The following RAD51B variants were observed in gnomAD, a reference collection of about 807,000 sequenced individuals.
RAD51B encodes the protein RAD51 paralog B.
RAD51B carries 38 observed loss-of-function variants against 42.2 expected under a neutral mutation model. That is an observed-to-expected ratio of 0.90 (90% CI 0.70 to 1.18). The LOEUF (loss-of-function observed/expected upper bound fraction) is 1.18. RAD51B is among the 50% of genes most tolerant of loss of function. RAD51B has a pLI of 0.00. For synonymous variants in RAD51B, 154 were observed against 145.2 expected (o/e 1.06, Z -0.43); for missense variants, 373 against 400.7 (o/e 0.93, Z 0.59).
At chr14:68,298,932 AT>A (rs2081665295) in intron 8 of RAD51B, among the ~76,000 whole-genome samples, 1 of 152,102 alleles carries the variant, frequency 6.6e-6, no homozygotes, top group Admixed American at 6.6e-5. Context: ...TGCATTTGCG[AT>A]GTTTACTGGG....
At chr14:68,588,913 G>A (rs1890614277) in intron 10 of RAD51B, among the ~76,000 whole-genome samples, 1 of 152,210 alleles carries the variant, frequency 6.6e-6, no homozygotes, top group African/African-American at 2.4e-5. Flanking sequence ...ATGCTGGGCT[G>A]ATTTTGCAAA....
At chr14:68,089,256 CT>C (rs1446709468) in intron 7 of RAD51B, among the ~76,000 whole-genome samples, 2 of 152,160 alleles carry the variant, frequency 1.3e-5, no homozygotes, top group Non-Finnish European at 2.9e-5. Flanking sequence ...GAACCAGCTA[CT>C]GAACACAAAG....
At chr14:68,655,011 A>G (rs1446675574) in intron 11 of RAD51B, among the ~76,000 whole-genome samples, 1 of 152,060 alleles carries the variant, frequency 6.6e-6, no homozygotes, top group Non-Finnish European at 1.5e-5. Context: ...GACACCTTAG[A>G]GAGAGGCTGG....
intron 7 of RAD51B, among the ~76,000 whole-genome samples, chr14:68,196,143 A>G (rs1419598015): frequency 6.6e-6 from 1 of 151,158 alleles, no homozygotes; most frequent in Non-Finnish European, 1.5e-5. Context: ...GTAAGCAGAG[A>G]TTGCGCCACT....
chr14:68,035,182 C>T (rs2076102292), intron 7 of RAD51B, among the ~76,000 whole-genome samples: 1 of 152,126 alleles, frequency 6.6e-6, no homozygotes, highest in Non-Finnish European at 1.5e-5. Context: ...ATCTTATTTA[C>T]AGATTCTGAC....
At chr14:67,967,839 C>T (rs146222775) in intron 7 of RAD51B, among the ~76,000 whole-genome samples, 2,108 of 152,294 alleles carry the variant, frequency 0.014, 24 homozygotes, top group Middle Eastern at 0.024. Context: ...TGGCCCTCTT[C>T]TCATAGCTCC....
At chr14:68,680,504 T>C (rs1399486243) in intron 11 of RAD51B, among the ~76,000 whole-genome samples, 2 of 152,226 alleles carry the variant, frequency 1.3e-5, no homozygotes, top group Non-Finnish European at 2.9e-5. Context: ...AATGGCTGTG[T>C]TCCACAGCCA....
intron 7 of RAD51B, among the ~76,000 whole-genome samples, chr14:68,197,628 A>C (rs1413014796): frequency 6.6e-6 from 1 of 152,154 alleles, no homozygotes; most frequent in East Asian, 1.9e-4. Flanking sequence ...TAAAATAATT[A>C]TGTTTGTTCT....
In RAD51B at chr14:68,248,459, T is replaced by C. The variant is rs141121495; in HGVS notation, c.757-43425T>C. 3.3e-3 allele frequency among the ~76,000 whole-genome samples: 497 copies of C among 152,158 alleles called. 2 individuals carry two copies. Among genetic ancestry groups the C allele is most frequent in the African/African-American group, 0.011 (474 of 41,492 alleles). The stretch of plus-strand genomic sequence containing the variant: ...CCAGGCTGCCACTGTATGTGAAGGA[T>C]CTTCATGTTTGGAAAGAAAAAAAAA... On this transcript the variant is annotated intron_variant, in intron 7 of 10. Transcript: ENST00000471583.
chr14:68,464,942 G>C (rs1388920441), intron 9 of RAD51B, among the ~76,000 whole-genome samples: 2 of 152,180 alleles, frequency 1.3e-5, no homozygotes, highest in Non-Finnish European at 2.9e-5. Context: ...GTCCCTCCAG[G>C]TGTGAGATCC....
At chr14:68,151,071 C>A (rs907937153) in intron 7 of RAD51B, among the ~76,000 whole-genome samples, 1 of 151,946 alleles carries the variant, frequency 6.6e-6, no homozygotes, top group African/African-American at 2.4e-5. Context: ...AGAATTTTCT[C>A]TATCAGGTCT....
At chr14:68,154,553 T>C (rs1001505318) in intron 7 of RAD51B, among the ~76,000 whole-genome samples, 4 of 152,204 alleles carry the variant, frequency 2.6e-5, no homozygotes, top group Non-Finnish European at 4.4e-5. Context: ...CTGTGAACTT[T>C]AGCTGTCTTC....
intron 11 of RAD51B, among the ~76,000 whole-genome samples, chr14:68,661,187 A>G (rs1429440283): frequency 6.6e-6 from 1 of 152,224 alleles, no homozygotes; most frequent in Non-Finnish European, 1.5e-5. Flanking sequence ...CCCGTGAATG[A>G]CTATAGTTTT....
At chr14:68,383,289 C>T (rs1396430632) in intron 8 of RAD51B, among the ~76,000 whole-genome samples, 1 of 152,226 alleles carries the variant, frequency 6.6e-6, no homozygotes, top group African/African-American at 2.4e-5. Context: ...CAGTTGTTCT[C>T]AACCCAGGGT....
At chr14:68,080,481 G>A (rs1412812530) in intron 7 of RAD51B, among the ~76,000 whole-genome samples, 1 of 152,158 alleles carries the variant, frequency 6.6e-6, no homozygotes, top group African/African-American at 2.4e-5. Flanking sequence ...GCTTTTGAGT[G>A]TCTATCAAAA....
rs143363575 is a variant in RAD51B, at chr14:68,239,624, C to T, written c.757-52260C>T. Among the ~76,000 whole-genome samples the T allele has an allele frequency of 4.2e-3, 635 of 152,134 alleles. 1 individual carries two copies. The highest frequency in any genetic ancestry group is 0.017 in the Middle Eastern group (5 of 294). On this transcript the variant is annotated intron_variant, in intron 7 of 10. Transcript: ENST00000471583. ...TTGTTCACTGTTCTCTGTCTTCTTC[C>T]ACTCACCTATCTCATCAGCCCAGCC...
chr14:67,960,042 G>T (rs1459149699), intron 7 of RAD51B, among the ~76,000 whole-genome samples: 3 of 151,554 alleles, frequency 2.0e-5, no homozygotes, highest in South Asian at 2.1e-4. Context: ...CTGAGATCGC[G>T]CCACTGCGCT....
intron 8 of RAD51B, among the ~76,000 whole-genome samples, chr14:68,352,518 T>A (rs1250183756): frequency 2.6e-5 from 4 of 152,250 alleles, no homozygotes; most frequent in Non-Finnish European, 4.4e-5. Context: ...AAACTCCTAT[T>A]TTCCTAGGGA....
At chr14:68,360,461 TG>T (rs2083000468) in intron 8 of RAD51B, among the ~76,000 whole-genome samples, 2 of 152,232 alleles carry the variant, frequency 1.3e-5, no homozygotes, top group South Asian at 4.1e-4. Context: ...GCACAATGCC[TG>T]TGGCAGTAGT....
Sources: gnomAD v4.1 joint callset for allele counts (sites outside exome capture counted in the v4.1 genomes callset) on GRCh38, gnomAD v4.1.1 for gene constraint, MANE v1.5 for transcripts, NCBI Gene and HGNC (gene_info 2026-07-23, HGNC 2026-07-21) for gene names.